SND1: variants seen among roughly 807,000 people sequenced by gnomAD.
The protein encoded by SND1 is staphylococcal nuclease and tudor domain containing 1, also known as staphylococcal nuclease domain-containing protein 1.
A neutral mutation model predicts 121.7 loss-of-function variants in SND1; 38 were observed. The ratio of observed to expected loss-of-function variants is 0.31; its 90% CI spans 0.24 to 0.41. SND1 has a LOEUF of 0.41. SND1 is among the 10% of genes least tolerant of loss of function. The pLI, the probability that SND1 is intolerant of heterozygous loss-of-function variation, is 1.00. For synonymous variants in SND1, 401 were observed against 447.4 expected, an observed-to-expected ratio of 0.90 and a Z score of 1.31; for missense variants, 868 against 1,184.6, an observed-to-expected ratio of 0.73 and a Z score of 3.92.
chr7:127,666,712 T>TG (rs1468340885), intron 1 of SND1, among the ~76,000 whole-genome samples: 1 of 152,204 alleles, frequency 6.6e-6, no homozygotes, highest in Non-Finnish European at 1.5e-5. Context: ...GGACAGTACT[T>TG]GCAGTGCCGG....
At chr7:127,907,834 C>A (rs1342875961) in intron 14 of SND1, among the ~76,000 whole-genome samples, 1 of 152,172 alleles carries the variant, frequency 6.6e-6, no homozygotes, top group Non-Finnish European at 1.5e-5. Context: ...TCTTCTCTTG[C>A]TGTTTAAAAA....
chr7:127,907,909 A>G (rs943764552), intron 14 of SND1, among the ~76,000 whole-genome samples: 18 of 152,210 alleles, frequency 1.2e-4, no homozygotes, highest in African/African-American at 4.3e-4. Context: ...TAGCAAATAC[A>G]AGACCTGCTT....
intron 14 of SND1, among the ~76,000 whole-genome samples, chr7:127,914,862 T>G (rs1800538785): frequency 6.6e-6 from 1 of 152,190 alleles, no homozygotes; most frequent in African/African-American, 2.4e-5. Context: ...GGAAGTTATT[T>G]TTTCTTTCTG....
At chr7:128,078,722 CTG>C (rs753927902) in intron 17 of SND1, among the ~76,000 whole-genome samples, 3 of 152,254 alleles carry the variant, frequency 2.0e-5, no homozygotes, top group Non-Finnish European at 4.4e-5. Context: ...TGCTTTCATC[CTG>C]TGTGTTCCGA....
intron 16 of SND1, among the ~76,000 whole-genome samples, chr7:128,013,452 A>C (rs961016463): frequency 6.6e-6 from 1 of 152,186 alleles, no homozygotes; most frequent in East Asian, 1.9e-4. Flanking sequence ...ATGCCTTTAC[A>C]CTAAGGGTCG....
intron 16 of SND1, among the ~76,000 whole-genome samples, chr7:128,031,266 G>A (rs925336287): frequency 6.6e-5 from 10 of 152,002 alleles, no homozygotes; most frequent in African/African-American, 2.4e-4. Flanking sequence ...CTCCAGCCGC[G>A]GGGGAAGGCG....
At chr7:127,669,446 C>G (rs1402644141) in intron 1 of SND1, among the ~76,000 whole-genome samples, 1 of 152,234 alleles carries the variant, frequency 6.6e-6, no homozygotes, top group African/African-American at 2.4e-5. Context: ...TGCAATATCC[C>G]TGACCACTTT....
intron 16 of SND1, among the ~76,000 whole-genome samples, chr7:128,010,409 G>C (rs1337047663): frequency 6.6e-6 from 1 of 152,218 alleles, no homozygotes; most frequent in Admixed American, 6.5e-5. Context: ...GTACTAAGAG[G>C]ATGAAGAAAA....
At chr7:127,740,639 A>T (rs1187868462) in intron 10 of SND1, among the ~76,000 whole-genome samples, 1 of 152,196 alleles carries the variant, frequency 6.6e-6, no homozygotes, top group Non-Finnish European at 1.5e-5. Flanking sequence ...GCTCTTAATT[A>T]GTGTACATGC....
At chr7:127,762,980 G>A (rs973059099) in intron 10 of SND1, among the ~76,000 whole-genome samples, 13 of 152,108 alleles carry the variant, frequency 8.5e-5, no homozygotes, top group Non-Finnish European at 1.8e-4. Context: ...TCTAAGGAAA[G>A]GATTTAAAGG....
At chr7:127,679,969 CT>C (rs1795687012) in intron 1 of SND1, among the ~76,000 whole-genome samples, 1 of 152,122 alleles carries the variant, frequency 6.6e-6, no homozygotes, top group Non-Finnish European at 1.5e-5. Flanking sequence ...GAACCTGCCC[CT>C]GATAGTCACG....
chr7:127,877,326 C>T (rs999631332), intron 12 of SND1, among the ~76,000 whole-genome samples: 1 of 152,150 alleles, frequency 6.6e-6, no homozygotes, highest in Admixed American at 6.5e-5. Context: ...ACTTTTAACA[C>T]TGTATTCTCT....
intron 12 of SND1, among the ~76,000 whole-genome samples, chr7:127,867,339 T>A (rs1053975458): frequency 6.6e-6 from 1 of 152,194 alleles, no homozygotes; most frequent in African/African-American, 2.4e-5. Context: ...TCTGATAACT[T>A]TTTCTCAGTC....
intron 16 of SND1, among the ~76,000 whole-genome samples, chr7:128,056,921 A>G (rs1259172126): frequency 6.6e-6 from 1 of 152,208 alleles, no homozygotes; most frequent in East Asian, 1.9e-4. Flanking sequence ...GAGTTACTTG[A>G]ACACAAGTAC....
intron 16 of SND1, among the ~76,000 whole-genome samples, chr7:128,058,283 A>G (rs1358250347): frequency 6.6e-6 from 1 of 152,300 alleles, no homozygotes; most frequent in African/African-American, 2.4e-5. Context: ...GAGATGAGCC[A>G]ACAGTTATTG....
Position 127,793,053 on chromosome 7 carries a change from C to G in SND1, c.1153-14431C>G, listed in dbSNP as rs75280893. On this transcript the variant is annotated intron_variant, in intron 10 of 23. Coordinates refer to ENST00000354725, the MANE Select transcript of SND1 (RefSeq NM_014390.4). ...CAGTTTTGAAACTGCATCACAGTAG[C>G]TTCATAATGGGCATAACTACTAGAT... Among the ~76,000 whole-genome samples, 889 of 152,334 alleles carry G rather than the reference C, an allele frequency of 5.8e-3. 16 individuals are homozygous for G. Among genetic ancestry groups the G allele is most frequent in the African/African-American group, 0.02 (847 of 41,566 alleles).
intron 14 of SND1, among the ~76,000 whole-genome samples, chr7:127,923,424 A>G (rs777776053): frequency 1.3e-5 from 2 of 152,104 alleles, no homozygotes; most frequent in African/African-American, 2.4e-5. Flanking sequence ...TCTCTCTAGT[A>G]CACATCTCAC....
intron 11 of SND1, among the ~76,000 whole-genome samples, chr7:127,812,345 G>A (rs1239754812): frequency 6.6e-6 from 1 of 152,198 alleles, no homozygotes; most frequent in Admixed American, 6.5e-5. Flanking sequence ...TAGCCCTCTA[G>A]ACAGTATCTC....
At chr7:128,043,894 TAAAC>T (rs1792902355) in intron 16 of SND1, among the ~76,000 whole-genome samples, 1 of 150,264 alleles carries the variant, frequency 6.7e-6, no homozygotes, top group African/African-American at 2.5e-5. Flanking sequence ...ACACACGTAA[TAAAC>T]GTTGCAACAC....
Sources: gnomAD v4.1 joint callset for allele counts (sites outside exome capture counted in the v4.1 genomes callset) on GRCh38, gnomAD v4.1.1 for gene constraint, MANE v1.5 for transcripts, NCBI Gene and HGNC (gene_info 2026-07-23, HGNC 2026-07-21) for gene names.